ATP6V1G3: variants seen among roughly 807,000 people sequenced by gnomAD.
ATP6V1G3 encodes ATPase H+ transporting V1 subunit G3.
ATP6V1G3 carries 9 observed loss-of-function variants against 9.3 expected under a neutral mutation model. The ratio of observed to expected loss-of-function variants is 0.97; its 90% CI spans 0.59 to 1.69. The LOEUF is 1.69. Ranked by LOEUF, ATP6V1G3 falls within the 40% of genes most tolerant of loss-of-function variation. The probability of loss-of-function intolerance (pLI) is 0.00; values close to 1 mark genes in which losing one functional copy is unlikely to be tolerated. For missense variants in ATP6V1G3, 133 were observed against 139.0 expected (o/e 0.96, Z 0.22); for synonymous variants, 43 against 43.8 (o/e 0.98, Z 0.07).
At chr1:198,528,192 A>G (rs936550042) in intron 2 of ATP6V1G3, among the ~76,000 whole-genome samples, 10 of 152,120 alleles carry the variant, frequency 6.6e-5, no homozygotes, top group Middle Eastern at 6.3e-3. Context: ...TGAGTGGTCC[A>G]TTTAATTCTA....
chr1:198,534,237 C>A (rs2103140474), intron 1 of ATP6V1G3, among the ~76,000 whole-genome samples: 1 of 152,256 alleles, frequency 6.6e-6, no homozygotes, highest in South Asian at 2.1e-4. Context: ...GGTCCTAAAT[C>A]CAACAACTGG....
chr1:198,535,196 C>G (rs1004997156), intron 1 of ATP6V1G3, among the ~76,000 whole-genome samples: 1 of 151,946 alleles, frequency 6.6e-6, no homozygotes, highest in Admixed American at 6.6e-5. Context: ...TTACAAATAC[C>G]CTGTTAGTCT....
chr1:198,536,647 G>A (rs374496211), intron 1 of ATP6V1G3: 17 of 1,548,898 alleles, frequency 1.1e-5, no homozygotes, highest in Non-Finnish European at 1.5e-5. Flanking sequence ...AGTGAATACA[G>A]GAAAGTATCT....
rs557130230 is a variant in ATP6V1G3, at chr1:198,534,671, C to G, written c.83-5490G>C. On this transcript the variant is annotated intron_variant, in intron 1 of 2. Transcript: ENST00000367382. ...GTATTGAAATGAATGTGCCACCTGACAAAAATATGCATAAACAGTTCAGAA... is the reference window on the plus strand; with the variant it reads ...GTATTGAAATGAATGTGCCACCTGAGAAAAATATGCATAAACAGTTCAGAA... Among the ~76,000 whole-genome samples the G allele has an allele frequency of 8.4e-4, 128 of 152,200 alleles. 1 individual carries two copies. The highest frequency in any genetic ancestry group is 1.1e-3 in the Non-Finnish European group (75 of 67,992).
At chr1:198,530,739 C>T (rs960084952) in intron 1 of ATP6V1G3, among the ~76,000 whole-genome samples, 1 of 152,112 alleles carries the variant, frequency 6.6e-6, no homozygotes, top group Non-Finnish European at 1.5e-5. Context: ...ATATTATTCA[C>T]AGAGATTCTC....
chr1:198,532,439 A>G (rs1397288890), intron 1 of ATP6V1G3, among the ~76,000 whole-genome samples: 2 of 152,242 alleles, frequency 1.3e-5, no homozygotes, highest in Admixed American at 6.5e-5. Flanking sequence ...CTAGATGTCT[A>G]TTCTGTGCCA....
At chr1:198,524,499 T>C (rs919074226) in intron 2 of ATP6V1G3, among the ~76,000 whole-genome samples, 4 of 152,314 alleles carry the variant, frequency 2.6e-5, no homozygotes, top group Admixed American at 6.5e-5. Context: ...AAATTGAGTG[T>C]GCTTGTTCAT....
intron 2 of ATP6V1G3, among the ~76,000 whole-genome samples, chr1:198,524,712 AC>A (rs1403327395): frequency 6.6e-6 from 1 of 152,172 alleles, no homozygotes; most frequent in Non-Finnish European, 1.5e-5. Context: ...GTTAGCCTTT[AC>A]TAAAGCAAAA....
At chr1:198,529,462 T>A (rs1659808318) in intron 1 of ATP6V1G3, among the ~76,000 whole-genome samples, 1 of 151,988 alleles carries the variant, frequency 6.6e-6, no homozygotes. Context: ...GACAACTTTT[T>A]TTTGCACTTA....
At chr1:198,532,787 G>T (rs555447172) in intron 1 of ATP6V1G3, among the ~76,000 whole-genome samples, 1 of 152,290 alleles carries the variant, frequency 6.6e-6, no homozygotes, top group African/African-American at 2.4e-5. Flanking sequence ...AGGCCCTGAG[G>T]TGGGAGGATA....
chr1:198,532,012 G>C (rs1375127618), intron 1 of ATP6V1G3, among the ~76,000 whole-genome samples: 2 of 152,140 alleles, frequency 1.3e-5, no homozygotes, highest in African/African-American at 4.8e-5. Context: ...AGTTTGAGGA[G>C]AAGTCCTCAG....
chr1:198,539,352 A>G (rs1660255281), intron 1 of ATP6V1G3, among the ~76,000 whole-genome samples: 1 of 152,244 alleles, frequency 6.6e-6, no homozygotes, highest in Non-Finnish European at 1.5e-5. Flanking sequence ...CCAAAGAGTT[A>G]CATAAGTAAC....
intron 1 of ATP6V1G3, among the ~76,000 whole-genome samples, chr1:198,534,001 G>A (rs1302615495): frequency 6.6e-6 from 1 of 152,134 alleles, no homozygotes; most frequent in East Asian, 1.9e-4. Context: ...TAGACACAGG[G>A]AACATAGGCA....
intron 1 of ATP6V1G3, among the ~76,000 whole-genome samples, 200 bp downstream of exon 1, chr1:198,540,369 T>C (rs1660296541): frequency 6.6e-6 from 1 of 152,186 alleles, no homozygotes; most frequent in African/African-American, 2.4e-5. Flanking sequence ...CTCAAAAGGA[T>C]CTGAATGAGG....
chr1:198,525,257 A>C (rs747755036), intron 2 of ATP6V1G3, among the ~76,000 whole-genome samples: 9 of 152,204 alleles, frequency 5.9e-5, no homozygotes, highest in Non-Finnish European at 1.3e-4. Flanking sequence ...AATTAAAAAA[A>C]TAATTCTCTA....
intron 2 of ATP6V1G3, among the ~76,000 whole-genome samples, chr1:198,523,863 T>C (rs897754058): frequency 6.6e-6 from 1 of 152,194 alleles, no homozygotes; most frequent in Admixed American, 6.5e-5. Context: ...CATCACATTT[T>C]TCATGTATTT....
At chr1:198,540,867 G>A, upstream of ATP6V1G3, 1 of 582,274 alleles carries the variant, frequency 1.7e-6, no homozygotes, top group South Asian at 2.1e-5. Flanking sequence ...CATAAATTGA[G>A]AACTTACCAT....
chr1:198,540,736 G>A, upstream of ATP6V1G3: 1 of 1,343,014 alleles, frequency 7.4e-7, no homozygotes. Flanking sequence ...ATATAACTCA[G>A]ATTATTGTGT....
chr1:198,538,982 A>C lies in ATP6V1G3; in HGVS notation c.82+1587T>G, dbSNP rs533016604. ...ATGCCGCTTCAACCACAGGTCCTGA[A>C]CTGCTTTGTTTTCTATAAAACTACT... On this transcript the variant is annotated intron_variant, in intron 1 of 2. Coordinates refer to ENST00000367382, the MANE Select transcript of ATP6V1G3 (RefSeq NM_001376861.1). Among the ~76,000 whole-genome samples, 4 of 152,156 alleles carry C rather than the reference A, an allele frequency of 2.6e-5. No homozygotes were observed. In the South Asian group the frequency reaches 6.2e-4, roughly 24 times the overall value.
Sources: allele counts gnomAD v4.1 joint callset (sites outside exome capture counted in the v4.1 genomes callset), GRCh38; gene constraint gnomAD v4.1.1; transcripts MANE v1.5; gene names NCBI Gene and HGNC (gene_info 2026-07-23, HGNC 2026-07-21).